PIK3C2G: variants seen among roughly 807,000 people sequenced by gnomAD.
The protein encoded by PIK3C2G is phosphatidylinositol 3-kinase C2 domain-containing subunit gamma.
PIK3C2G carries 168 observed loss-of-function variants against 181.1 expected under a neutral mutation model. That is an observed-to-expected ratio of 0.93 (90% confidence interval 0.82 to 1.05). The LOEUF (loss-of-function observed/expected upper bound fraction) is 1.05. Among genes scored for constraint, PIK3C2G ranks in the 50% least tolerant of loss-of-function variants. The pLI is 0.00. For synonymous variants in PIK3C2G, 573 were observed against 592.2 expected, an observed-to-expected ratio of 0.97 and a Z score of 0.47; for missense variants, 1,869 against 1,732.8, an observed-to-expected ratio of 1.08 and a Z score of -1.40.
chr12:18,642,493 T>C (rs1949893547), intron 32 of PIK3C2G, among the ~76,000 whole-genome samples: 3 of 152,146 alleles, frequency 2.0e-5, no homozygotes, highest in Admixed American at 1.3e-4. Context: ...CAGCTTGTCA[T>C]TCCCTGAATG....
At chr12:18,668,107 T>C in the PIK3C2G span, among the ~76,000 whole-genome samples, 5 of 152,230 alleles carry the variant, frequency 3.3e-5, no homozygotes, top group African/African-American at 1.2e-4. Flanking sequence ...TGTCTTTTTC[T>C]TAGCCCCAAC....
At chr12:18,352,847 G>A (rs940885490) in intron 11 of PIK3C2G, among the ~76,000 whole-genome samples, 12 of 152,178 alleles carry the variant, frequency 7.9e-5, no homozygotes, top group Non-Finnish European at 1.0e-4. Flanking sequence ...GCATCTTGCC[G>A]ATGTCAGACT....
the PIK3C2G span, chr12:18,692,697 C>G: frequency 1.3e-6 from 1 of 741,656 alleles, no homozygotes; most frequent in Non-Finnish European, 2.2e-6. Flanking sequence ...AGAACAAAAT[C>G]AAATACAGAC....
chr12:18,559,735 G>A (rs1401960893), intron 26 of PIK3C2G, among the ~76,000 whole-genome samples: 2 of 139,056 alleles, frequency 1.4e-5, no homozygotes, highest in Non-Finnish European at 3.1e-5. Context: ...GTTGGAGGGA[G>A]GAGATCAAAG....
At chr12:18,438,386 G>A (rs1318231682) in intron 18 of PIK3C2G, among the ~76,000 whole-genome samples, 1 of 151,902 alleles carries the variant, frequency 6.6e-6, no homozygotes, top group Non-Finnish European at 1.5e-5. Flanking sequence ...GTAGACTCCA[G>A]TGTGGCTCTG....
intron 31 of PIK3C2G, among the ~76,000 whole-genome samples, chr12:18,619,057 T>G (rs565353695): frequency 5.9e-5 from 9 of 151,364 alleles, no homozygotes; most frequent in African/African-American, 2.2e-4. Flanking sequence ...AGCCAGAAAC[T>G]TAGTGAAAGA....
intron 10 of PIK3C2G, among the ~76,000 whole-genome samples, 190 bp from the exon 11 acceptor site, chr12:18,346,451 T>C (rs1258158969): frequency 1.3e-5 from 2 of 152,166 alleles, no homozygotes; most frequent in Non-Finnish European, 2.9e-5. Flanking sequence ...AGCTTATTGA[T>C]GTCTAATCTA....
chr12:18,273,816 A>C (rs931209643), intron 1 of PIK3C2G, among the ~76,000 whole-genome samples: 6 of 152,136 alleles, frequency 3.9e-5, no homozygotes, highest in Admixed American at 1.3e-4. Context: ...GATCTAATTA[A>C]ACTAAATAGC....
chr12:18,631,749 G>T (rs1949361684), intron 31 of PIK3C2G, among the ~76,000 whole-genome samples: 1 of 152,152 alleles, frequency 6.6e-6, no homozygotes, highest in Admixed American at 6.6e-5. Flanking sequence ...GATGAGGGGG[G>T]CACCAGGAAA....
chr12:18,326,895 C>T (rs1455795790), intron 8 of PIK3C2G, among the ~76,000 whole-genome samples: 2 of 152,124 alleles, frequency 1.3e-5, no homozygotes, highest in Non-Finnish European at 2.9e-5. Context: ...TGTCTCAGCA[C>T]TGCTCACATA....
intron 24 of PIK3C2G, among the ~76,000 whole-genome samples, chr12:18,532,735 G>T (rs1943623083): frequency 6.6e-6 from 1 of 152,116 alleles, no homozygotes; most frequent in Non-Finnish European, 1.5e-5. Context: ...AGTACCCTGT[G>T]GGGGATTGAA....
chr12:18,285,063 T>C (rs1264207541), intron 2 of PIK3C2G, among the ~76,000 whole-genome samples: 1 of 152,112 alleles, frequency 6.6e-6, no homozygotes, highest in African/African-American at 2.4e-5. Context: ...GACAGCCACA[T>C]ATAGACATTT....
chr12:18,627,052 T>C (rs1949132969), intron 31 of PIK3C2G, among the ~76,000 whole-genome samples: 1 of 151,964 alleles, frequency 6.6e-6, no homozygotes, highest in Admixed American at 6.6e-5. Context: ...TTCCCATAAA[T>C]TTTCCTTCTT....
intron 11 of PIK3C2G, among the ~76,000 whole-genome samples, chr12:18,359,689 TG>T (rs1941063696): frequency 6.6e-6 from 1 of 152,192 alleles, no homozygotes; most frequent in Non-Finnish European, 1.5e-5. Flanking sequence ...TTTACCTTTT[TG>T]TCATTATACA....
chr12:18,363,398 TAAGTC>T (rs1012069706), intron 12 of PIK3C2G, among the ~76,000 whole-genome samples: 12 of 152,258 alleles, frequency 7.9e-5, no homozygotes, highest in African/African-American at 2.9e-4. Flanking sequence ...AAAGATTTGT[TAAGTC>T]AAGAAGATAA....
chr12:18,463,635 C>T (rs900925589), intron 18 of PIK3C2G, among the ~76,000 whole-genome samples: 1 of 152,162 alleles, frequency 6.6e-6, no homozygotes, highest in Admixed American at 6.6e-5. Context: ...AGTTTATCTG[C>T]ATTTATTCTC....
chr12:18,440,543 G>C (rs775797307), intron 18 of PIK3C2G, among the ~76,000 whole-genome samples: 1 of 152,146 alleles, frequency 6.6e-6, no homozygotes, highest in African/African-American at 2.4e-5. Flanking sequence ...CCTCAGTGAA[G>C]TAAGAGAGTG....
the PIK3C2G span, chr12:18,713,130 A>C: frequency 1.8e-6 from 2 of 1,106,788 alleles, no homozygotes; most frequent in Non-Finnish European, 2.6e-6. Context: ...TGTCTTTGGG[A>C]CAAGTTTTGA....
At chr12:18,666,545 A>G in the PIK3C2G span, among the ~76,000 whole-genome samples, 25 of 152,166 alleles carry the variant, frequency 1.6e-4, no homozygotes, top group Non-Finnish European at 2.1e-4. Context: ...AAATATATAA[A>G]TGGGAAACCC....
Sources: allele counts gnomAD v4.1 joint callset (sites outside exome capture counted in the v4.1 genomes callset), GRCh38; gene constraint gnomAD v4.1.1; transcripts MANE v1.5; gene names NCBI Gene and HGNC (gene_info 2026-07-23, HGNC 2026-07-21).